TTC34: variants seen among roughly 807,000 people sequenced by gnomAD.
TTC34 encodes the protein tetratricopeptide repeat domain 34, also known as tetratricopeptide repeat protein 34.
In TTC34, 44 loss-of-function variants were observed where a neutral mutation model predicts 40.7. That is an observed-to-expected ratio of 1.08 (90% CI 0.85 to 1.39). The LOEUF is 1.39. Ranked by LOEUF, TTC34 falls within the 40% of genes most tolerant of loss-of-function variation. The probability of loss-of-function intolerance (pLI) is 0.00; values close to 1 mark genes in which losing one functional copy is unlikely to be tolerated. For missense variants in TTC34, 884 were observed against 838.0 expected (o/e 1.05, Z -0.68); for synonymous variants, 422 against 398.6 (o/e 1.06, Z -0.70).
chr1:2,647,002 A>G (rs748846378), intron 6 of TTC34, among the ~76,000 whole-genome samples: 2 of 151,836 alleles, frequency 1.3e-5, no homozygotes, highest in African/African-American at 4.8e-5. Context: ...TCTGGGTTCC[A>G]TTGTTTCTGG....
chr1:2,773,279 C>G (rs1460648550), intron 6 of TTC34, among the ~76,000 whole-genome samples: 3 of 118,528 alleles, frequency 2.5e-5, no homozygotes, highest in South Asian at 3.2e-4. Context: ...CATCTGACAG[C>G]CTGGGGCGGC....
rs539860402 is a variant in TTC34, at chr1:2,780,029, G to A, written c.2226+3580C>T. On this transcript the variant is annotated intron_variant, in intron 6 of 8. Coordinates refer to ENST00000401095, the Ensembl canonical transcript of TTC34. ...CTCGGGAGGCTGAGGCAGGAGAATC[G>A]CTTGAACCCCGGAAGCGGAAGTTGC... Among the ~76,000 whole-genome samples the A allele has an allele frequency of 3.9e-5, 6 of 152,256 alleles. No homozygotes were observed. The South Asian group carries it at 6.2e-4, about 16-fold the overall frequency.
exon 2 of TTC34, chr1:2,800,350 C>T (rs912117632): frequency 2.0e-5 from 8 of 398,416 alleles, no homozygotes; most frequent in African/African-American, 4.1e-5. Context: ...TGGAGATAGG[C>T]GGCCACACCA....
intron 6 of TTC34, among the ~76,000 whole-genome samples, chr1:2,757,311 CCA>C (rs1641537869): frequency 7.5e-6 from 1 of 132,626 alleles, no homozygotes; most frequent in Non-Finnish European, 1.6e-5. Flanking sequence ...ACCCACACCC[CCA>C]GGCGAGGATC....
rs1433243669 is a variant in TTC34, at chr1:2,771,369, G to C, written c.2226+12240C>G. Among the ~76,000 whole-genome samples the C allele has an allele frequency of 3.0e-5, 2 of 66,564 alleles. 1 individual carries two copies. The highest frequency in any genetic ancestry group is 5.1e-5 in the Non-Finnish European group (2 of 39,200). The allele number at this position is 66,564 out of a possible 152,430, so 43.7% of individuals were successfully genotyped here. A position where few individuals can be genotyped will look rare whatever the true frequency, so the allele number is the denominator to read the frequency against. Reference sequence around the variant, plus strand: ...CTGGAACAGAATTCTCCAACCACAGGTGAGGATCTGACAGCCTGGAACAGA... The same window carrying C: ...CTGGAACAGAATTCTCCAACCACAGCTGAGGATCTGACAGCCTGGAACAGA... On this transcript the variant is annotated intron_variant, in intron 6 of 8. Coordinates refer to ENST00000401095, the Ensembl canonical transcript of TTC34.
chr1:2,749,383 G>A (rs1641243422), intron 6 of TTC34, among the ~76,000 whole-genome samples: 1 of 124,462 alleles, frequency 8.0e-6, no homozygotes, highest in Non-Finnish European at 1.6e-5. Flanking sequence ...GACCCTGACA[G>A]CCTGGAACAG....
intron 6 of TTC34, among the ~76,000 whole-genome samples, chr1:2,767,966 C>A (rs1641832309): frequency 6.6e-6 from 1 of 150,784 alleles, no homozygotes; most frequent in Admixed American, 6.6e-5. Flanking sequence ...ACAGCACCCC[C>A]ACTCACAGGT....
At chr1:2,749,071 A>G (rs1641235129) in intron 6 of TTC34, among the ~76,000 whole-genome samples, 1 of 142,936 alleles carries the variant, frequency 7.0e-6, no homozygotes. Flanking sequence ...AGCCTGGAGC[A>G]GCACCCACAA....
At chr1:2,751,477 G>A (rs1292126810) in intron 6 of TTC34, among the ~76,000 whole-genome samples, 2 of 96,164 alleles carry the variant, frequency 2.1e-5, no homozygotes, top group South Asian at 7.6e-4. Flanking sequence ...GACTGGAACT[G>A]CACCCCCATG....
chr1:2,749,041 C>T (rs1275050300), intron 6 of TTC34, among the ~76,000 whole-genome samples: 79 of 54,340 alleles, frequency 1.5e-3, no homozygotes, highest in East Asian at 2.4e-3. Flanking sequence ...AGCACCCACA[C>T]CCCCAGGTGA....
At chr1:2,694,799 C>A (rs1351743902) in intron 6 of TTC34, among the ~76,000 whole-genome samples, 1 of 62,330 alleles carries the variant, frequency 1.6e-5, no homozygotes, top group African/African-American at 5.3e-5. Context: ...CACACCCAGG[C>A]GAGCATCTGA....
intron 6 of TTC34, among the ~76,000 whole-genome samples, chr1:2,752,069 C>G (rs1220346508): frequency 1.3e-5 from 1 of 75,754 alleles, no homozygotes; most frequent in Non-Finnish European, 2.5e-5. Context: ...AACATCTGAA[C>G]GCACGGAGCA....
At chr1:2,757,691 T>G (rs1187632941) in intron 6 of TTC34, among the ~76,000 whole-genome samples, 24 of 119,794 alleles carry the variant, frequency 2.0e-4, no homozygotes, top group African/African-American at 7.0e-4. Context: ...ACATCCGACA[T>G]CGTGGAGCAG....
chr1:2,783,807 C>T, intron 5 of TTC34, 32 bp from the exon 6 acceptor site: 1 of 1,432,788 alleles, frequency 7.0e-7, no homozygotes, highest in Non-Finnish European at 9.2e-7. Flanking sequence ...TCAGGATGAG[C>T]CTATGCTGGG....
At chr1:2,680,514 T>A (rs1640026555) in intron 6 of TTC34, among the ~76,000 whole-genome samples, 1 of 134,046 alleles carries the variant, frequency 7.5e-6, no homozygotes, top group African/African-American at 2.5e-5. Flanking sequence ...CAGGCGAGCA[T>A]CTGACAGCCT....
chr1:2,776,245 A>C, intron 6 of TTC34: 1 of 97,402 alleles, frequency 1.0e-5, no homozygotes, highest in African/African-American at 6.5e-5. Context: ...GGTAACCCAC[A>C]TGCAGGTGAG....
At chr1:2,694,825 C>T (rs1640784709) in intron 6 of TTC34, among the ~76,000 whole-genome samples, 2 of 93,902 alleles carry the variant, frequency 2.1e-5, no homozygotes, top group East Asian at 2.7e-4. Flanking sequence ...TGGAACGACA[C>T]CCACACCCCC....
chr1:2,786,913 C>T (rs1557690676), intron 4 of TTC34, among the ~76,000 whole-genome samples: 2 of 152,166 alleles, frequency 1.3e-5, no homozygotes, highest in Non-Finnish European at 2.9e-5. Flanking sequence ...CAAACCGGGC[C>T]CCAGGGGGAG....
At chr1:2,789,827 A>C in exon 3 of TTC34, 1 of 439,846 alleles carries the variant, frequency 2.3e-6, no homozygotes, top group African/African-American at 2.0e-5. Context: ...GAAGTCCTCC[A>C]TGGCGCGCCG....
Sources: gnomAD v4.1 joint callset for allele counts (sites outside exome capture counted in the v4.1 genomes callset) on GRCh38, gnomAD v4.1.1 for gene constraint, MANE v1.5 for transcripts, NCBI Gene and HGNC (gene_info 2026-07-23, HGNC 2026-07-21) for gene names.